Variants in PRKCE observed in about 807,000 individuals in gnomAD.
The protein encoded by PRKCE is protein kinase C epsilon type.
PRKCE carries 16 observed loss-of-function variants against 85.4 expected under a neutral mutation model. That is an observed-to-expected ratio of 0.19 (90% CI 0.13 to 0.28). PRKCE has a LOEUF of 0.28. Among genes scored for constraint, PRKCE ranks in the 10% least tolerant of loss-of-function variants. The pLI is 1.00. For missense variants in PRKCE, 573 were observed against 975.2 expected, an observed-to-expected ratio of 0.59 and a Z score of 5.49; for synonymous variants, 388 against 371.5, an observed-to-expected ratio of 1.04 and a Z score of -0.51.
chr2:45,784,595 T>C (rs1686449563), intron 1 of PRKCE, among the ~76,000 whole-genome samples: 1 of 152,190 alleles, frequency 6.6e-6, no homozygotes, highest in Admixed American at 6.5e-5. Flanking sequence ...CTAGAGAAGA[T>C]TTTAGATAAA....
At chr2:45,964,843 C>T (rs1002881867) in intron 2 of PRKCE, among the ~76,000 whole-genome samples, 2 of 152,158 alleles carry the variant, frequency 1.3e-5, no homozygotes, top group African/African-American at 4.8e-5. Context: ...CTGTGCCTAC[C>T]GTATCAAAGT....
chr2:46,027,328 C>G (rs1707188905), intron 10 of PRKCE, among the ~76,000 whole-genome samples: 1 of 151,818 alleles, frequency 6.6e-6, no homozygotes, highest in African/African-American at 2.4e-5. Context: ...AGAGTGAGAC[C>G]CTATCTCAAA....
At chr2:46,110,663 T>TC (rs1445168214) in intron 11 of PRKCE, among the ~76,000 whole-genome samples, 4 of 152,044 alleles carry the variant, frequency 2.6e-5, no homozygotes, top group Non-Finnish European at 5.9e-5. Flanking sequence ...TATTAATTTT[T>TC]CTCTATTGTT....
chr2:45,697,266 C>T lies in PRKCE; in HGVS notation c.348+44818C>T, dbSNP rs571105925. 3.3e-4 allele frequency among the ~76,000 whole-genome samples: 51 copies of T among 152,244 alleles called. No homozygotes were observed. The highest frequency in any genetic ancestry group is 1.1e-3 in the African/African-American group (46 of 41,540). ...GGGCGCACCCCACTGGCTGGCCTGG[C>T]CCTCCTGGCTGCCCACATTCTGCTT... On this transcript the variant is annotated intron_variant, in intron 1 of 14. Coordinates refer to ENST00000306156, the MANE Select transcript of PRKCE (RefSeq NM_005400.3). This position sits in a 1 kb window ranked among gnomAD's most constrained non-coding sequence, Gnocchi z 4.2.
chr2:45,861,110 A>G (rs912020924), intron 2 of PRKCE, among the ~76,000 whole-genome samples: 1 of 152,110 alleles, frequency 6.6e-6, no homozygotes, highest in Non-Finnish European at 1.5e-5. Flanking sequence ...TCAAGTGGGG[A>G]GGCTTGCTTC....
chr2:45,815,014 C>T (rs986893761), intron 1 of PRKCE, among the ~76,000 whole-genome samples: 16 of 152,188 alleles, frequency 1.1e-4, no homozygotes, highest in African/African-American at 3.9e-4. Flanking sequence ...ATGGCTTCAG[C>T]TCACTCATTT....
At chr2:46,034,384 T>C (rs1707724546) in intron 10 of PRKCE, among the ~76,000 whole-genome samples, 1 of 152,208 alleles carries the variant, frequency 6.6e-6, no homozygotes, top group Non-Finnish European at 1.5e-5. Flanking sequence ...TTAGGGCTCT[T>C]CCCCCTACTT....
In PRKCE at chr2:46,010,373, T is replaced by C. The variant is rs771452653; in HGVS notation, c.1293T>C (p.Asp431=). ...TGTTGGCAGAACTCAAGGGCAAAGA[T>C]GAAGTATATGCTGTGAAGGTCTTAA... is the stretch of plus-strand genomic sequence containing the variant. ...KVMLAELKGK[D]EVYAVKVLKK... is the part of the protein sequence containing the mutation. Residue 431 remains aspartate, a synonymous_variant, in exon 10 of 15, where the codon GAT becomes GAC. Transcript: ENST00000306156. The C allele has an allele frequency of 1.3e-6, 2 of 1,597,518 alleles. No homozygotes were observed. Among genetic ancestry groups the C allele is most frequent in the South Asian group, 1.1e-5 (1 of 90,848 alleles).
intron 14 of PRKCE, among the ~76,000 whole-genome samples, chr2:46,168,285 C>G (rs956968300): frequency 2.6e-5 from 4 of 152,134 alleles, no homozygotes; most frequent in African/African-American, 9.7e-5. Context: ...TAATCTCCTC[C>G]CAGACCCACC....
chr2:46,011,927 A>G (rs1256257028), intron 10 of PRKCE, among the ~76,000 whole-genome samples: 2 of 152,204 alleles, frequency 1.3e-5, no homozygotes, highest in Non-Finnish European at 1.5e-5. Context: ...CAAGATGGAC[A>G]CATATTTCTT....
chr2:45,680,263 C>A (rs1245161896), intron 1 of PRKCE, among the ~76,000 whole-genome samples: 1 of 152,206 alleles, frequency 6.6e-6, no homozygotes, highest in African/African-American at 2.4e-5. Context: ...CTTAGGAGGT[C>A]TAGCAGCAAG....
intron 1 of PRKCE, among the ~76,000 whole-genome samples, chr2:45,681,651 G>A (rs536751679): frequency 6.6e-6 from 1 of 152,172 alleles, no homozygotes; most frequent in African/African-American, 2.4e-5. Flanking sequence ...TCTCTACCTG[G>A]GCCTGTGGAT....
chr2:45,950,973 G>C (rs1383259537), intron 2 of PRKCE, among the ~76,000 whole-genome samples: 1 of 152,038 alleles, frequency 6.6e-6, no homozygotes, highest in Non-Finnish European at 1.5e-5. Flanking sequence ...ATGTTCACTT[G>C]GCCACCAAGA....
intron 10 of PRKCE, among the ~76,000 whole-genome samples, chr2:46,023,421 C>A (rs1345849558): frequency 6.6e-6 from 1 of 152,238 alleles, no homozygotes; most frequent in African/African-American, 2.4e-5. Context: ...TGACAGCCAC[C>A]CCTTTTCCCA....
intron 1 of PRKCE, among the ~76,000 whole-genome samples, chr2:45,677,331 G>GTTTT (rs1553375032): frequency 5.3e-4 from 57 of 108,538 alleles, no homozygotes; most frequent in South Asian, 9.6e-4. Flanking sequence ...TTTTTTTTTT[G>GTTTT]TTTTTTTTTT....
At position 45,989,340 on chromosome 2, in the gene PRKCE, G is replaced by A. The variant is rs72874400; in HGVS notation, c.823+4660G>A. Reference sequence around the variant, plus strand: ...TGCTCTGATCTGCGGCTGTTTTCAGGGGCCAAGGGGACAGGGTGTCCCCTC... The same window carrying A: ...TGCTCTGATCTGCGGCTGTTTTCAGAGGCCAAGGGGACAGGGTGTCCCCTC... On this transcript the variant is annotated intron_variant, in intron 6 of 14. Coordinates refer to ENST00000306156, the MANE Select transcript of PRKCE (RefSeq NM_005400.3). Among the ~76,000 whole-genome samples, 299 of 152,294 alleles carry A rather than the reference G, an allele frequency of 2.0e-3. 1 individual carries two copies. The highest frequency in any genetic ancestry group is 7.1e-3 in the African/African-American group (293 of 41,556).
intron 1 of PRKCE, among the ~76,000 whole-genome samples, chr2:45,723,229 T>A (rs1680770750): frequency 6.6e-6 from 1 of 152,202 alleles, no homozygotes; most frequent in Non-Finnish European, 1.5e-5. Flanking sequence ...ACGTGGTTAT[T>A]CTTCCCCTAG....
chr2:45,841,930 T>C (rs1206271233), intron 1 of PRKCE, among the ~76,000 whole-genome samples: 1 of 152,238 alleles, frequency 6.6e-6, no homozygotes, highest in African/African-American at 2.4e-5. Context: ...TAGTGGTTCC[T>C]GCCCTCAAGA....
Position 45,907,862 on chromosome 2 carries a change from T to G in PRKCE, c.412+64799T>G, listed in dbSNP as rs576622502. 3.3e-4 allele frequency among the ~76,000 whole-genome samples: 51 copies of G among 152,274 alleles called. No homozygotes were observed. The highest frequency in any genetic ancestry group is 5.6e-4 in the Non-Finnish European group (38 of 68,006). On this transcript the variant is annotated intron_variant, in intron 2 of 14. Transcript: ENST00000306156. This position sits in a 1 kb window ranked among gnomAD's most constrained non-coding sequence, Gnocchi z 4.5. Reference sequence around the variant, plus strand: ...CTCTGAGCTAATAATACTTGCCGAGTGCTGAGAACAGTGCCTGGTATCTAT... The same window carrying G: ...CTCTGAGCTAATAATACTTGCCGAGGGCTGAGAACAGTGCCTGGTATCTAT...
Sources: gnomAD v4.1 joint callset for allele counts (sites outside exome capture counted in the v4.1 genomes callset) on GRCh38, gnomAD v4.1.1 for gene constraint, Gnocchi (gnomAD v3.1) non-coding constraint, MANE v1.5 for transcripts, NCBI Gene and HGNC (gene_info 2026-07-23, HGNC 2026-07-21) for gene names.